BEGAIN: variants seen among roughly 807,000 people sequenced by gnomAD.
BEGAIN encodes the protein brain-enriched guanylate kinase-associated protein.
BEGAIN carries 19 observed loss-of-function variants against 35.8 expected under a neutral mutation model. The ratio of observed to expected loss-of-function variants is 0.53; its 90% CI spans 0.37 to 0.78. The LOEUF (loss-of-function observed/expected upper bound fraction) is 0.78, where lower values mean the gene tolerates loss of function less well. Ranked by LOEUF, BEGAIN falls within the 30% of genes least tolerant of loss-of-function variation. BEGAIN has a pLI of 0.00. For missense variants in BEGAIN, 795 were observed against 853.6 expected (o/e 0.93, Z 0.85); for synonymous variants, 462 against 388.6 (o/e 1.19, Z -2.22).
chr14:100,551,685 T>C (rs1004436968), intron 2 of BEGAIN, among the ~76,000 whole-genome samples: 1 of 152,184 alleles, frequency 6.6e-6, no homozygotes, highest in African/African-American at 2.4e-5. Flanking sequence ...AAAAAATTGC[T>C]AAAGATCAAA....
chr14:100,552,321 C>T (rs1406571910), intron 2 of BEGAIN, among the ~76,000 whole-genome samples: 2 of 152,210 alleles, frequency 1.3e-5, no homozygotes, highest in Non-Finnish European at 2.9e-5. Context: ...TACTGAGCAT[C>T]ACTGGTGACC....
intron 1 of BEGAIN, among the ~76,000 whole-genome samples, chr14:100,581,467 C>T (rs2139764549): frequency 6.6e-6 from 1 of 152,192 alleles, no homozygotes; most frequent in Admixed American, 6.5e-5. Context: ...GGGCTTCCGG[C>T]TCCTGGCACC....
At chr14:100,550,401 G>A (rs1161178532) in intron 2 of BEGAIN, 1 of 398,968 alleles carries the variant, frequency 2.5e-6, no homozygotes, top group Non-Finnish European at 4.4e-6. Context: ...GGAGCCGGGG[G>A]AGACAACAGG....
chr14:100,546,618 T>C lies in BEGAIN; in HGVS notation c.116A>G (p.Tyr39Cys). ...QKGELRKRLSYTTHKLEKLET... is the reference protein window; with the variant it reads ...QKGELRKRLSCTTHKLEKLET... ...GAGCTTCTCGAGCTTGTGTGTGGTGTAGGACAGCCGCTTGCGCAGCTCGCC... is the reference window on the plus strand; with the variant it reads ...GAGCTTCTCGAGCTTGTGTGTGGTGCAGGACAGCCGCTTGCGCAGCTCGCC... The change falls in exon 3 of 7, where the codon TAC (tyrosine) becomes TGC (cysteine). Residue 39 changes from tyrosine (Y) to cysteine (C), a missense_variant. Transcript: ENST00000554140. 6.3e-7 allele frequency: 1 copy of C among 1,587,540 alleles called. No homozygotes were observed. Among genetic ancestry groups the C allele is most frequent in the Non-Finnish European group, 8.5e-7 (1 of 1,170,714 alleles).
Position 100,568,162 on chromosome 14 carries a change from C to T in BEGAIN, c.43-223G>A, listed in dbSNP as rs2034877549. ...GTAACAGGTGAGCCCGCCCGGGCCG[C>T]CGCGCTCCCCGCACCGAGTTACGCC... On this transcript the variant is annotated intron_variant, in intron 1 of 6. Coordinates refer to ENST00000554140, the MANE Select transcript of BEGAIN (RefSeq NM_001385089.1). This position sits in a 1 kb window ranked among gnomAD's most constrained non-coding sequence, Gnocchi z 7.5. 1.1e-6 allele frequency: 1 copy of T among 906,400 alleles called. No homozygotes were observed. 56.1% of individuals were successfully genotyped at this position (906,400 alleles called of 1,614,324 possible). A position where few individuals can be genotyped will look rare whatever the true frequency, so the allele number is the denominator to read the frequency against.
intron 2 of BEGAIN, among the ~76,000 whole-genome samples, chr14:100,557,212 G>C (rs1302969971): frequency 6.6e-6 from 1 of 152,250 alleles, no homozygotes; most frequent in African/African-American, 2.4e-5. Flanking sequence ...GCCTCTTCCA[G>C]CCACAGAACC....
At chr14:100,548,995 CCT>C (rs1408793716) in intron 2 of BEGAIN, 5 of 152,358 alleles carry the variant, frequency 3.3e-5, no homozygotes, top group Non-Finnish European at 7.3e-5. Flanking sequence ...GCCCCCAGCC[CCT>C]GACTCTCACA....
At chr14:100,582,857 T>G (rs1017321958) in intron 1 of BEGAIN, among the ~76,000 whole-genome samples, 1 of 151,936 alleles carries the variant, frequency 6.6e-6, no homozygotes, top group South Asian at 2.1e-4. Flanking sequence ...GGGTTAAGTC[T>G]CCCTGTCTGA....
Position 100,567,102 on chromosome 14 carries a change from A to G in BEGAIN, c.71+809T>C, listed in dbSNP as rs1177019337. On this transcript the variant is annotated intron_variant, in intron 2 of 6. Transcript: ENST00000554140. This position sits in a 1 kb window ranked among gnomAD's most constrained non-coding sequence, Gnocchi z 5.1. ...GGAGACCCTGTGGGCCAGGGGAGAC[A>G]GTGCTGAAACCCAGCAGCCAGAGCT... Among the ~76,000 whole-genome samples the G allele has an allele frequency of 6.6e-6, 1 of 152,170 alleles. No individual in the cohort carries two copies. Among genetic ancestry groups the G allele is most frequent in the African/African-American group, 2.4e-5 (1 of 41,452 alleles).
chr14:100,571,973 G>A (rs958568352), intron 1 of BEGAIN, among the ~76,000 whole-genome samples: 1 of 152,214 alleles, frequency 6.6e-6, no homozygotes, highest in Non-Finnish European at 1.5e-5. Context: ...TGTGTCCAGG[G>A]CCTGGCATGG....
chr14:100,586,343 T>A lies in BEGAIN; in HGVS notation c.42+906A>T, dbSNP rs2035444108. 6.6e-6 allele frequency among the ~76,000 whole-genome samples: 1 copy of A among 152,152 alleles called. No individual in the cohort carries two copies. The highest frequency in any genetic ancestry group is 2.4e-5 in the African/African-American group (1 of 41,454). ...ACCCCCAGGGCCTGGACCCCCAGTC[T>A]GCACTGGCGGCCGACCTTGGCCATG... is the stretch of plus-strand genomic sequence containing the variant. On this transcript the variant is annotated intron_variant, in intron 1 of 6. Transcript: ENST00000554140. The surrounding 1 kb of genome is among the most constrained non-coding windows in gnomAD (Gnocchi z 4.9).
Position 100,564,064 on chromosome 14 carries a change from G to A in BEGAIN, c.71+3847C>T, listed in dbSNP as rs142115850. Among the ~76,000 whole-genome samples, 1,223 of 151,582 alleles carry A rather than the reference G, an allele frequency of 8.1e-3. 17 individuals are homozygous for A. Among genetic ancestry groups the A allele is most frequent in the African/African-American group, 0.028 (1,142 of 41,236 alleles). Reference sequence around the variant, plus strand: ...GTCGGTGTCCCGGTGACTGCTTGGAGTAGGATGGGGCTGTCTGTGGGGAAG... The same window carrying A: ...GTCGGTGTCCCGGTGACTGCTTGGAATAGGATGGGGCTGTCTGTGGGGAAG... On this transcript the variant is annotated intron_variant, in intron 2 of 6. Coordinates refer to ENST00000554140, the MANE Select transcript of BEGAIN (RefSeq NM_001385089.1).
chr14:100,545,524 T>A (rs1182973028), intron 3 of BEGAIN: 1 of 803,776 alleles, frequency 1.2e-6, no homozygotes, highest in East Asian at 1.3e-4. Flanking sequence ...AAGACTCGGT[T>A]CTGCCGGGTA....
chr14:100,557,528 G>A (rs1308512393), intron 2 of BEGAIN, among the ~76,000 whole-genome samples: 17 of 152,228 alleles, frequency 1.1e-4, no homozygotes, highest in Middle Eastern at 3.4e-3. Context: ...CTCCATCACT[G>A]CCACCGGGGG....
intron 2 of BEGAIN, among the ~76,000 whole-genome samples, chr14:100,557,289 G>A (rs1329985032): frequency 2.0e-4 from 30 of 152,258 alleles, no homozygotes; most frequent in Admixed American, 2.0e-3. Context: ...AGGCATCGGG[G>A]CAGGGAATGT....
chr14:100,539,264 A>G lies in BEGAIN; in HGVS notation c.544T>C (p.Cys182Arg). The G allele has an allele frequency of 6.3e-7, 1 of 1,586,336 alleles. No individual in the cohort carries two copies. Among genetic ancestry groups the G allele is most frequent in the South Asian group, 1.2e-5 (1 of 86,278 alleles). Residue 182 changes from cysteine (C) to arginine (R), a missense_variant, in exon 7 of 7, where the codon TGC becomes CGC. By Grantham distance (180) the Cys-to-Arg change is radical. Coordinates refer to ENST00000554140, the MANE Select transcript of BEGAIN (RefSeq NM_001385089.1). ...RVSLHMEKHG[C>R]SLPSPLCHPA... ...TGGCAGAGCGGGGATGGCAGGCTGC[A>G]GCCGTGCTTCTCCATGTGCAGGCTC...
chr14:100,576,282 A>G (rs1311915881), intron 1 of BEGAIN, among the ~76,000 whole-genome samples: 4 of 152,158 alleles, frequency 2.6e-5, no homozygotes. Context: ...GAGGGCCAGC[A>G]GCACACAGGT....
At chr14:100,539,976 G>A (rs1376186500) in intron 6 of BEGAIN, among the ~76,000 whole-genome samples, 3 of 152,198 alleles carry the variant, frequency 2.0e-5, no homozygotes, top group African/African-American at 7.2e-5. Context: ...GACGGGGTGC[G>A]CAGGGTGCGG....
At position 100,563,825 on chromosome 14, in the gene BEGAIN, A is replaced by G. The variant is rs761671007; in HGVS notation, c.71+4086T>C. ...CCAGGGAACAAACGGATTTCAGGGA[A>G]GCCACCATGACAACAGCAACTGGTA... On this transcript the variant is annotated intron_variant, in intron 2 of 6. Coordinates refer to ENST00000554140, the MANE Select transcript of BEGAIN (RefSeq NM_001385089.1). The surrounding 1 kb of genome is among the most constrained non-coding windows in gnomAD (Gnocchi z 4.2). Among the ~76,000 whole-genome samples the G allele has an allele frequency of 6.6e-6, 1 of 152,232 alleles. No individual in the cohort carries two copies. The highest frequency in any genetic ancestry group is 1.5e-5 in the Non-Finnish European group (1 of 68,036).
Sources: gnomAD v4.1 joint callset for allele counts (sites outside exome capture counted in the v4.1 genomes callset) on GRCh38, gnomAD v4.1.1 for gene constraint, Gnocchi (gnomAD v3.1) non-coding constraint, MANE v1.5 for transcripts, NCBI Gene and HGNC (gene_info 2026-07-23, HGNC 2026-07-21) for gene names.